Variants in BSPRY observed in about 807,000 individuals in gnomAD.
BSPRY encodes the protein B box and SPRY domain-containing protein.
BSPRY carries 33 observed loss-of-function variants against 38.0 expected under a neutral mutation model. The ratio of observed to expected loss-of-function variants is 0.87; its 90% CI spans 0.66 to 1.16. The LOEUF is 1.16. Ranked by LOEUF, BSPRY falls within the 50% of genes most tolerant of loss-of-function variation. The probability of loss-of-function intolerance (pLI) is 0.00; values close to 1 mark genes in which losing one functional copy is unlikely to be tolerated. For synonymous variants in BSPRY, 224 were observed against 228.5 expected (o/e 0.98, Z 0.18); for missense variants, 523 against 533.2 (o/e 0.98, Z 0.19).
Position 113,365,020 on chromosome 9 carries a change from C to G in BSPRY, c.557+2626C>G, listed in dbSNP as rs73655860. ...TAGGATCTCCTTCAGTTGGGTTTAT[C>G]TGATGTTATCTTATGATTAGATTCA... On this transcript the variant is annotated intron_variant, in intron 4 of 5. Coordinates refer to ENST00000374183, the MANE Select transcript of BSPRY (RefSeq NM_017688.3). Among the ~76,000 whole-genome samples the G allele has an allele frequency of 7.4e-3, 1,084 of 146,278 alleles. 11 individuals are homozygous for G. Among genetic ancestry groups the G allele is most frequent in the Middle Eastern group, 0.021 (6 of 284 alleles).
intron 5 of BSPRY, among the ~76,000 whole-genome samples, chr9:113,368,624 T>C (rs1834290846): frequency 6.6e-6 from 1 of 152,270 alleles, no homozygotes; most frequent in African/African-American, 2.4e-5. Context: ...ATCTCATTCC[T>C]ATAAGTCATG....
At chr9:113,354,001 A>C (rs1240648878) in intron 1 of BSPRY, among the ~76,000 whole-genome samples, 1 of 152,110 alleles carries the variant, frequency 6.6e-6, no homozygotes, top group Non-Finnish European at 1.5e-5. Context: ...GCCTCAACTG[A>C]GCTGTTGCTG....
At chr9:113,350,808 T>C (rs1240714810) in intron 1 of BSPRY, among the ~76,000 whole-genome samples, 1 of 152,154 alleles carries the variant, frequency 6.6e-6, no homozygotes, top group African/African-American at 2.4e-5. Context: ...TCAACAATAA[T>C]GATGACAAAA....
At chr9:113,359,933 C>T (rs1426364900) in intron 2 of BSPRY, among the ~76,000 whole-genome samples, 2 of 152,070 alleles carry the variant, frequency 1.3e-5, no homozygotes, top group African/African-American at 2.4e-5. Context: ...TACTGCATGC[C>T]AGGCACTGTG....
Position 113,366,736 on chromosome 9 carries a change from A to G in BSPRY, c.558-1523A>G, listed in dbSNP as rs368508913. ...GCTCCTGCGTTCTGAGAAGATGGCA[A>G]TAGACCCTCTGTTGTCCTGACCACA... On this transcript the variant is annotated intron_variant, in intron 4 of 5. Transcript: ENST00000374183. Among the ~76,000 whole-genome samples the G allele has an allele frequency of 6.5e-4, 99 of 152,354 alleles. 1 individual carries two copies. Among genetic ancestry groups the G allele is most frequent in the African/African-American group, 2.3e-3 (96 of 41,584 alleles).
intron 2 of BSPRY, among the ~76,000 whole-genome samples, chr9:113,355,610 A>G (rs1162674335): frequency 2.9e-5 from 4 of 139,420 alleles, no homozygotes; most frequent in Non-Finnish European, 6.0e-5. Context: ...AGTGTGGCAA[A>G]TCCTGGCTTT....
chr9:113,370,397 A>C lies in BSPRY; in HGVS notation c.*255A>C. The C allele has an allele frequency of 5.9e-6, 2 of 341,716 alleles. No homozygotes were observed. Among genetic ancestry groups the C allele is most frequent in the East Asian group, 4.7e-5 (1 of 21,398 alleles). The allele number at this position is 341,716 out of a possible 1,614,324, so 21.2% of individuals were successfully genotyped here. ...TTGGGCCACATAAAATACACTAACG[A>C]TAGCTGATGAGCTAAAAAAAAAAAA... On this transcript the variant is annotated 3_prime_UTR_variant, in exon 6 of 6. Coordinates refer to ENST00000374183, the MANE Select transcript of BSPRY (RefSeq NM_017688.3). The surrounding 1 kb of genome is among the most constrained non-coding windows in gnomAD (Gnocchi z 4.8).
intron 2 of BSPRY, 147 bp from the exon 3 acceptor site, chr9:113,360,360 G>A (rs1834129021): frequency 1.3e-6 from 1 of 759,130 alleles, no homozygotes; most frequent in Non-Finnish European, 2.1e-6. Flanking sequence ...CAAAGTAAAA[G>A]GCTTACATGC....
At chr9:113,359,406 G>A (rs1344509719) in intron 2 of BSPRY, among the ~76,000 whole-genome samples, 1 of 152,206 alleles carries the variant, frequency 6.6e-6, no homozygotes, top group African/African-American at 2.4e-5. Context: ...TCTCCTCCCT[G>A]TAAGGCAAAC....
chr9:113,357,714 C>A (rs1445112956), intron 2 of BSPRY, among the ~76,000 whole-genome samples: 2 of 151,212 alleles, frequency 1.3e-5, no homozygotes, highest in Non-Finnish European at 1.5e-5. Context: ...ATTATTATTT[C>A]TTTCTCTTTT....
chr9:113,361,275 C>CTTTATT (rs1834148839), intron 3 of BSPRY, among the ~76,000 whole-genome samples: 1 of 152,182 alleles, frequency 6.6e-6, no homozygotes, highest in Non-Finnish European at 1.5e-5. Context: ...ATAAAGTCTG[C>CTTTATT]CTTACTGTGC....
At chr9:113,360,030 C>A (rs1834122675) in intron 2 of BSPRY, among the ~76,000 whole-genome samples, 1 of 152,136 alleles carries the variant, frequency 6.6e-6, no homozygotes, top group Non-Finnish European at 1.5e-5. Flanking sequence ...ACCACATAAC[C>A]AGTTGAAATG....
chr9:113,350,809 G>A (rs1833958884), intron 1 of BSPRY, among the ~76,000 whole-genome samples: 1 of 152,104 alleles, frequency 6.6e-6, no homozygotes, highest in South Asian at 2.1e-4. Context: ...CAACAATAAT[G>A]ATGACAAAAA....
chr9:113,359,791 T>C (rs1465448439), intron 2 of BSPRY, among the ~76,000 whole-genome samples: 1 of 152,066 alleles, frequency 6.6e-6, no homozygotes, highest in Non-Finnish European at 1.5e-5. Context: ...TCCCAGCGCT[T>C]TGTGGGGCTG....
chr9:113,362,412 G>A lies in BSPRY; in HGVS notation c.557+18G>A. 6.2e-7 allele frequency: 1 copy of A among 1,613,374 alleles called. No homozygotes were observed. The highest frequency in any genetic ancestry group is 1.3e-5 in the African/African-American group (1 of 75,010). ...TTCGAGAGGTGAGTATAGACCCCGT[G>A]ATTTGACTGGGTAGTCTTGGAGACC... On this transcript the variant is annotated intron_variant, in intron 4 of 5. Transcript: ENST00000374183.
chr9:113,365,732 A>AG (rs1491301871), intron 4 of BSPRY, among the ~76,000 whole-genome samples: 19 of 109,616 alleles, frequency 1.7e-4, no homozygotes, highest in Non-Finnish European at 2.4e-4. Flanking sequence ...GGAGAAAGAG[A>AG]AAGAGAGAGA....
At chr9:113,357,867 G>A (rs72760058) in intron 2 of BSPRY, among the ~76,000 whole-genome samples, 8,145 of 130,934 alleles carry the variant, frequency 0.062, 370 homozygotes, top group Non-Finnish European at 0.093. Context: ...ACCCGGTACT[G>A]TGCCTGGCCT....
chr9:113,366,435 G>A (rs1834253520), intron 4 of BSPRY, among the ~76,000 whole-genome samples: 1 of 152,214 alleles, frequency 6.6e-6, no homozygotes, highest in African/African-American at 2.4e-5. Context: ...TGGCTCTGGT[G>A]TTTCCACGCT....
At position 113,360,532 on chromosome 9, in the gene BSPRY, TG is replaced by T; in HGVS notation, c.328del (p.Val110LeufsTer5). ...AVSMASAARELVIQRLSLVRS... is the reference protein window; with the variant it reads ...AVSMASAAREXVIQRLSLVRS... ...AGCATGGCCAGTGCAGCGAGGGAAC[TG>T]GTTATCCAGCGGTTGAGTCTGGTGA... On this transcript the variant is annotated frameshift_variant, in exon 3 of 6. Coordinates refer to ENST00000374183, the MANE Select transcript of BSPRY (RefSeq NM_017688.3). LOFTEE classifies it high-confidence loss of function. 1 of 1,603,342 alleles carries T rather than the reference TG, an allele frequency of 6.2e-7. No homozygotes were observed. Among genetic ancestry groups the T allele is most frequent in the Non-Finnish European group, 8.5e-7 (1 of 1,176,700 alleles).
Sources: allele counts gnomAD v4.1 joint callset (sites outside exome capture counted in the v4.1 genomes callset), GRCh38; gene constraint gnomAD v4.1.1; non-coding constraint Gnocchi (gnomAD v3.1); transcripts MANE v1.5; gene names NCBI Gene and HGNC (gene_info 2026-07-23, HGNC 2026-07-21).